Variants in ERVK3-1 observed in about 807,000 individuals in gnomAD.
ERVK3-1 encodes endogenous retrovirus group K3 member 1.
At chr19:58,309,882 G>A (rs1056594156) in intron 2 of ERVK3-1, 5 of 152,138 alleles carry the variant, frequency 3.3e-5, no homozygotes, top group African/African-American at 4.8e-5. Context: ...AACAGGCTGC[G>A]GCCTGGGAGA....
In ERVK3-1 at chr19:58,312,986, C is replaced by T. The variant is rs747407429; in HGVS notation, c.294+524C>T. 2.6e-5 allele frequency: 4 copies of T among 152,310 alleles called. No homozygotes were observed. The highest frequency in any genetic ancestry group is 6.5e-5 in the Admixed American group (1 of 15,286). The allele number at this position is 152,310 out of a possible 1,614,324, so 9.4% of individuals were successfully genotyped here. A position where few individuals can be genotyped will look rare whatever the true frequency, so the allele number is the denominator to read the frequency against. On this transcript the variant is annotated intron_variant, in intron 3 of 3. Coordinates refer to ENST00000413518, the Ensembl canonical transcript of ERVK3-1. This position sits in a 1 kb window ranked among gnomAD's most constrained non-coding sequence, Gnocchi z 4.7. ...AAATCAGACCTCTTGGCACAAACTT[C>T]ACTGGCACTGGTGGTGGACCTTCAA...
At chr19:58,311,531 C>A (rs2051556630) in intron 2 of ERVK3-1, 1 of 152,230 alleles carries the variant, frequency 6.6e-6, no homozygotes, top group South Asian at 2.1e-4. Flanking sequence ...GCCCCACTTG[C>A]CAGCATGTCC....
At position 58,312,306 on chromosome 19, in the gene ERVK3-1, A is replaced by G. The variant is rs370477746; in HGVS notation, c.138A>G (p.Glu46=). ...AGCGGAATCTGAATGCAAAGACAGA[A>G]CAAGGGCCGACCGGAGTCACAATGA... Residue 46 remains glutamate (E), a synonymous_variant, in exon 3 of 4, where the codon GAA becomes GAG. Transcript: ENST00000413518. This position sits in a 1 kb window ranked among gnomAD's most constrained non-coding sequence, Gnocchi z 4.7. 44 of 400,174 alleles carry G rather than the reference A, an allele frequency of 1.1e-4. No homozygotes were observed. Among genetic ancestry groups the G allele is most frequent in the East Asian group, 5.3e-4 (15 of 28,070 alleles). 24.8% of individuals were successfully genotyped at this position (400,174 alleles called of 1,614,324 possible).
chr19:58,309,918 C>T (rs1048751787), intron 2 of ERVK3-1: 3 of 152,166 alleles, frequency 2.0e-5, no homozygotes, highest in Non-Finnish European at 2.9e-5. Context: ...AAATCACTTT[C>T]GCAGATTTTG....
At chr19:58,315,294 A>G (rs2051584977) in exon 4 of ERVK3-1, 1 of 152,272 alleles carries the variant, frequency 6.6e-6, no homozygotes, top group Non-Finnish European at 1.5e-5. Context: ...TGCCACCTGT[A>G]TGTGCAGGTG....
chr19:58,306,290 G>A (rs1178418704), intron 2 of ERVK3-1, 74 bp downstream of exon 2: 2 of 152,250 alleles, frequency 1.3e-5, no homozygotes, highest in Non-Finnish European at 2.9e-5. Context: ...TCTGTCTGTT[G>A]AGGAGCAACA....
In ERVK3-1 at chr19:58,312,847, T is replaced by C. The variant is rs1008416671; in HGVS notation, c.294+385T>C. On this transcript the variant is annotated intron_variant, in intron 3 of 3. Coordinates refer to ENST00000413518, the Ensembl canonical transcript of ERVK3-1. This position sits in a 1 kb window ranked among gnomAD's most constrained non-coding sequence, Gnocchi z 4.7. ...ATTATATGGAATGGGCTCCCTTTGA[T>C]ATTTCTCACCCCCCTCCTTGGACCC... The C allele has an allele frequency of 1.3e-5, 2 of 158,638 alleles. No individual in the cohort carries two copies. Among genetic ancestry groups the C allele is most frequent in the African/African-American group, 2.4e-5 (1 of 41,746 alleles). 9.8% of individuals were successfully genotyped at this position (158,638 alleles called of 1,614,324 possible).
In ERVK3-1 at chr19:58,314,445, T is replaced by C. The variant is rs930674964; in HGVS notation, c.295-303T>C. Among the ~76,000 whole-genome samples, 14 of 151,864 alleles carry C rather than the reference T, an allele frequency of 9.2e-5. 1 individual carries two copies. The South Asian group carries it at 1.9e-3, about 20-fold the overall frequency. On this transcript the variant is annotated intron_variant, in intron 3 of 3. Transcript: ENST00000413518. ...ATCGAGACCATCCTGGCTAAAACAG[T>C]GAAACCCCATCTCTACTAAAAATAC... is the stretch of plus-strand genomic sequence containing the variant.
intron 2 of ERVK3-1, among the ~76,000 whole-genome samples, chr19:58,306,961 A>G (rs2051527768): frequency 6.6e-6 from 1 of 152,240 alleles, no homozygotes; most frequent in African/African-American, 2.4e-5. Flanking sequence ...TTTAGCTTGC[A>G]CTTGTTTCTC....
At chr19:58,311,421 A>G (rs2051555997) in intron 2 of ERVK3-1, 1 of 152,230 alleles carries the variant, frequency 6.6e-6, no homozygotes, top group South Asian at 2.1e-4. Flanking sequence ...CTATATTTCA[A>G]CAAGCCCAAG....
rs1303891926 is a variant in ERVK3-1, at chr19:58,313,261, C to T, written c.294+799C>T. On this transcript the variant is annotated intron_variant, in intron 3 of 3. Coordinates refer to ENST00000413518, the Ensembl canonical transcript of ERVK3-1. This position sits in a 1 kb window ranked among gnomAD's most constrained non-coding sequence, Gnocchi z 4.5. The stretch of plus-strand genomic sequence containing the variant: ...CACCTTTGTAAAAAATATTACCACT[C>T]AATTTACGGTTTGTGGGTTTTTTGT... 3 of 152,098 alleles carry T rather than the reference C, an allele frequency of 2.0e-5. No homozygotes were observed. Among genetic ancestry groups the T allele is most frequent in the African/African-American group, 7.2e-5 (3 of 41,398 alleles). The allele number at this position is 152,098 out of a possible 1,614,324, so 9.4% of individuals were successfully genotyped here. A position where few individuals can be genotyped will look rare whatever the true frequency, so the allele number is the denominator to read the frequency against.
At chr19:58,308,821 C>A (rs561003767) in intron 2 of ERVK3-1, among the ~76,000 whole-genome samples, 3 of 152,234 alleles carry the variant, frequency 2.0e-5, no homozygotes, top group Non-Finnish European at 4.4e-5. Context: ...CAATTGGATG[C>A]AGGACATATA....
Position 58,313,733 on chromosome 19 carries a change from CT to C in ERVK3-1, c.295-1014del, listed in dbSNP as rs1320828732. On this transcript the variant is annotated intron_variant, in intron 3 of 3. Coordinates refer to ENST00000413518, the Ensembl canonical transcript of ERVK3-1. The surrounding 1 kb of genome is among the most constrained non-coding windows in gnomAD (Gnocchi z 4.5). ...AATACAAACACACAACATATCCACT[CT>C]AATAATTCTGGGTCGTATCCCTGGA... Among the ~76,000 whole-genome samples the C allele has an allele frequency of 3.9e-5, 6 of 152,260 alleles. No individual in the cohort carries two copies. Among genetic ancestry groups the C allele is most frequent in the Non-Finnish European group, 8.8e-5 (6 of 68,054 alleles).
chr19:58,312,575 G>A lies in ERVK3-1; in HGVS notation c.294+113G>A, dbSNP rs2051563399. On this transcript the variant is annotated intron_variant, in intron 3 of 3. Coordinates refer to ENST00000413518, the Ensembl canonical transcript of ERVK3-1. This position sits in a 1 kb window ranked among gnomAD's most constrained non-coding sequence, Gnocchi z 4.7. Reference sequence around the variant, plus strand: ...CCTCCTGAGATATATTATGATCAGGGAGCGTGGGCACCAGGACCCCTAACT... The same window carrying A: ...CCTCCTGAGATATATTATGATCAGGAAGCGTGGGCACCAGGACCCCTAACT... 1 of 398,626 alleles carries A rather than the reference G, an allele frequency of 2.5e-6. No individual in the cohort carries two copies. The highest frequency in any genetic ancestry group is 3.6e-5 in the East Asian group (1 of 28,058). 24.7% of individuals were successfully genotyped at this position (398,626 alleles called of 1,614,324 possible).
intron 2 of ERVK3-1, among the ~76,000 whole-genome samples, chr19:58,308,006 A>C (rs1054014720): frequency 3.9e-5 from 6 of 152,222 alleles, no homozygotes; most frequent in African/African-American, 1.4e-4. Context: ...AGCCATCTGA[A>C]CTTACAGGGC....
rs2051552722 is a variant in ERVK3-1 at position 58,310,884 on chromosome 19, T to C, written c.-3-1282T>C. ...AGCGGGTGTTGTTCCTTGACACTTT[T>C]CGCTACCGCTAGACCACGGTCTTCC... On this transcript the variant is annotated intron_variant, in intron 2 of 3. Coordinates refer to ENST00000413518, the Ensembl canonical transcript of ERVK3-1. This position sits in a 1 kb window ranked among gnomAD's most constrained non-coding sequence, Gnocchi z 4.7. The C allele has an allele frequency of 2.5e-6, 1 of 405,738 alleles. No individual in the cohort carries two copies. Among genetic ancestry groups the C allele is most frequent in the Non-Finnish European group, 5.0e-6 (1 of 198,260 alleles). 25.1% of individuals were successfully genotyped at this position (405,738 alleles called of 1,614,324 possible). A position where few individuals can be genotyped will look rare whatever the true frequency, so the allele number is the denominator to read the frequency against.
At position 58,312,646 on chromosome 19, in the gene ERVK3-1, A is replaced by G. The variant is rs1227081590; in HGVS notation, c.294+184A>G. 2.6e-5 allele frequency among the ~76,000 whole-genome samples: 4 copies of G among 152,196 alleles called. No homozygotes were observed. Among genetic ancestry groups the G allele is most frequent in the Non-Finnish European group, 5.9e-5 (4 of 68,030 alleles). On this transcript the variant is annotated intron_variant, in intron 3 of 3. Transcript: ENST00000413518. This position sits in a 1 kb window ranked among gnomAD's most constrained non-coding sequence, Gnocchi z 4.7. ...GCATCAATTACACCGGCCCATTGGA[A>G]GGACTCCCTTTATGTATCACCATGG...
downstream of ERVK3-1, among the ~76,000 whole-genome samples, chr19:58,316,637 C>G (rs527730231): frequency 1.1e-3 from 168 of 152,230 alleles, no homozygotes; most frequent in Non-Finnish European, 2.0e-3. Flanking sequence ...TGCCTTTGCA[C>G]TCCAGCCTGG....
At chr19:58,314,921 A>C in exon 4 of ERVK3-1, 160 of 392,030 alleles carry the variant, frequency 4.1e-4, no homozygotes, top group Middle Eastern at 1.9e-3. Context: ...AACTGTTCTC[A>C]TGAAAGCAGG....
Sources: gnomAD v4.1 joint callset for allele counts (sites outside exome capture counted in the v4.1 genomes callset) on GRCh38, gnomAD v4.1.1 for gene constraint, Gnocchi (gnomAD v3.1) non-coding constraint, MANE v1.5 for transcripts, NCBI Gene and HGNC (gene_info 2026-07-23, HGNC 2026-07-21) for gene names.